SUGCT: variants seen among roughly 807,000 people sequenced by gnomAD.
SUGCT encodes the protein succinyl-CoA:glutarate CoA-transferase.
Under a neutral mutation model 55.0 loss-of-function variants are expected in SUGCT, and 41 were observed. The ratio of observed to expected loss-of-function variants is 0.74; its 90% CI spans 0.58 to 0.97. The LOEUF (loss-of-function observed/expected upper bound fraction) is 0.97. Among genes scored for constraint, SUGCT ranks in the 50% least tolerant of loss-of-function variants. The pLI is 0.00. For missense variants in SUGCT, 568 were observed against 547.8 expected (o/e 1.04, Z -0.37); for synonymous variants, 187 against 200.4 (o/e 0.93, Z 0.56).
At chr7:40,940,365 CT>C in the SUGCT span, among the ~76,000 whole-genome samples, 1 of 151,768 alleles carries the variant, frequency 6.6e-6, no homozygotes, top group African/African-American at 2.4e-5. Context: ...TATTTGGGCT[CT>C]TTTTTTGGTT....
chr7:40,839,429 C>T (rs1253623362), intron 13 of SUGCT, among the ~76,000 whole-genome samples: 1 of 152,028 alleles, frequency 6.6e-6, no homozygotes, highest in Non-Finnish European at 1.5e-5. Context: ...GTTTTGAGAT[C>T]ATAAAATGAG....
chr7:40,489,544 G>A (rs1791568248), intron 11 of SUGCT, among the ~76,000 whole-genome samples: 1 of 152,046 alleles, frequency 6.6e-6, no homozygotes. Flanking sequence ...AGCTGGATGT[G>A]GTGGTGCATG....
the SUGCT span, among the ~76,000 whole-genome samples, chr7:40,974,316 C>T: frequency 1.3e-5 from 2 of 152,076 alleles, no homozygotes; most frequent in African/African-American, 4.8e-5. Context: ...TCCAATGTGA[C>T]TATACTTGGA....
chr7:40,147,668 C>G (rs1159393658), intron 1 of SUGCT, among the ~76,000 whole-genome samples: 2 of 152,222 alleles, frequency 1.3e-5, no homozygotes, highest in Admixed American at 1.3e-4. Flanking sequence ...GCCAGTTTCT[C>G]TCCGCGTTGC....
the SUGCT span, among the ~76,000 whole-genome samples, chr7:40,971,618 T>A: frequency 2.6e-5 from 4 of 152,116 alleles, no homozygotes; most frequent in Non-Finnish European, 5.9e-5. Context: ...AGTGAGAGTG[T>A]TTTTTCATTA....
At chr7:40,231,545 T>A (rs2150860099) in intron 6 of SUGCT, among the ~76,000 whole-genome samples, 2 of 152,246 alleles carry the variant, frequency 1.3e-5, no homozygotes, top group Admixed American at 1.3e-4. Flanking sequence ...TAGCAAGCCA[T>A]GTGAAGATTG....
intron 9 of SUGCT, among the ~76,000 whole-genome samples, chr7:40,407,388 T>C (rs1216989418): frequency 6.6e-6 from 1 of 152,062 alleles, no homozygotes; most frequent in Non-Finnish European, 1.5e-5. Flanking sequence ...GGATATTATC[T>C]GAAATTAATG....
At chr7:40,898,678 C>G in the SUGCT span, among the ~76,000 whole-genome samples, 9 of 151,732 alleles carry the variant, frequency 5.9e-5, no homozygotes, top group South Asian at 1.0e-3. Flanking sequence ...GAGCAGAGAT[C>G]GCGCCGCGAG....
At chr7:40,408,902 G>A (rs1786518549) in intron 9 of SUGCT, among the ~76,000 whole-genome samples, 1 of 151,302 alleles carries the variant, frequency 6.6e-6, no homozygotes, top group Non-Finnish European at 1.5e-5. Flanking sequence ...ATACACAAAG[G>A]CCTACATGGT....
chr7:40,385,755 T>G lies in SUGCT; in HGVS notation c.817-63532T>G, dbSNP rs149684828. Among the ~76,000 whole-genome samples the G allele has an allele frequency of 7.5e-3, 1,147 of 152,318 alleles. 14 individuals are homozygous for G. The highest frequency in any genetic ancestry group is 0.026 in the African/African-American group (1,090 of 41,562). On this transcript the variant is annotated intron_variant, in intron 9 of 13. Transcript: ENST00000335693. The stretch of plus-strand genomic sequence containing the variant: ...CTCAAATCTGTTTTTGTACTAAAGT[T>G]GAGAATGCTTCAAGTCTCTTTCTAT...
At chr7:40,187,184 G>A (rs1405071573) in intron 3 of SUGCT, among the ~76,000 whole-genome samples, 3 of 151,990 alleles carry the variant, frequency 2.0e-5, no homozygotes, top group African/African-American at 7.3e-5. Flanking sequence ...CTATCACAAG[G>A]ACAAAAAACC....
chr7:40,633,999 G>C (rs1440076550), intron 12 of SUGCT, among the ~76,000 whole-genome samples: 1 of 151,952 alleles, frequency 6.6e-6, no homozygotes, highest in African/African-American at 2.4e-5. Flanking sequence ...TATAGGGATC[G>C]TCATGCTAAC....
intron 8 of SUGCT, among the ~76,000 whole-genome samples, chr7:40,302,933 C>T (rs907283996): frequency 1.3e-5 from 2 of 152,134 alleles, no homozygotes; most frequent in African/African-American, 4.8e-5. Context: ...ATAGGCATCT[C>T]CACCTGGACA....
the SUGCT span, among the ~76,000 whole-genome samples, chr7:41,004,636 A>G: frequency 2.0e-5 from 3 of 152,224 alleles, no homozygotes; most frequent in Admixed American, 6.5e-5. Context: ...TGGGCAGGCT[A>G]TGGAAGACAA....
intron 9 of SUGCT, among the ~76,000 whole-genome samples, chr7:40,418,791 A>G (rs1787147147): frequency 6.6e-6 from 1 of 152,166 alleles, no homozygotes; most frequent in Non-Finnish European, 1.5e-5. Flanking sequence ...TCATCTTTTC[A>G]GTTTCAAAAC....
the SUGCT span, among the ~76,000 whole-genome samples, chr7:40,936,071 AAGTTG>A: frequency 6.6e-6 from 1 of 152,096 alleles, no homozygotes; most frequent in African/African-American, 2.4e-5. Context: ...TGCCCATTTT[AAGTTG>A]AGTTATTTGC....
At chr7:40,458,938 T>C (rs1452740197) in intron 10 of SUGCT, among the ~76,000 whole-genome samples, 163 bp from the exon 11 acceptor site, 2 of 152,208 alleles carry the variant, frequency 1.3e-5, no homozygotes, top group Non-Finnish European at 2.9e-5. Context: ...GCATGTTCCA[T>C]CCTAATCGTG....
chr7:41,002,018 G>A, the SUGCT span, among the ~76,000 whole-genome samples: 5 of 152,108 alleles, frequency 3.3e-5, no homozygotes, highest in African/African-American at 4.8e-5. Flanking sequence ...ATTAGACTGC[G>A]AACTTTTTTT....
At position 40,237,659 on chromosome 7, in the gene SUGCT, C is replaced by T. The variant is rs1472902871; in HGVS notation, c.509C>T (p.Ser170Phe). The change falls in exon 7 of 14, where the codon TCT becomes TTT. Residue 170 changes from serine to phenylalanine, a missense_variant. Ser to Phe is a radical substitution (Grantham distance 155). Transcript: ENST00000335693. Reference sequence around the variant, plus strand: ...GGGTATGGTCAGACAGGTCCAATTTCTCAGCGAGCTGGTTATGATGCTGTT... The same window carrying T: ...GGGTATGGTCAGACAGGTCCAATTTTTCAGCGAGCTGGTTATGATGCTGTT... Reference protein sequence around the residue: ...ITGYGQTGPISQRAGYDAVAS... With the variant: ...ITGYGQTGPIFQRAGYDAVAS... The T allele has an allele frequency of 2.5e-6, 4 of 1,613,808 alleles. No individual in the cohort carries two copies. In the African/African-American group the frequency reaches 5.3e-5, roughly 22 times the overall value.
Sources: gnomAD v4.1 joint callset for allele counts (sites outside exome capture counted in the v4.1 genomes callset) on GRCh38, gnomAD v4.1.1 for gene constraint, MANE v1.5 for transcripts, NCBI Gene and HGNC (gene_info 2026-07-23, HGNC 2026-07-21) for gene names.